Variants in AMPD3 observed in about 807,000 individuals in gnomAD.
AMPD3 encodes the protein adenosine monophosphate deaminase 3.
Under a neutral mutation model 82.3 loss-of-function variants are expected in AMPD3, and 57 were observed. That is an observed-to-expected ratio of 0.69 (90% confidence interval 0.56 to 0.86). The LOEUF (loss-of-function observed/expected upper bound fraction) is 0.86. Ranked by LOEUF, AMPD3 falls within the 40% of genes least tolerant of loss-of-function variation. The pLI, the probability that AMPD3 is intolerant of heterozygous loss-of-function variation, is 0.00. For synonymous variants in AMPD3, 381 were observed against 394.7 expected (o/e 0.97, Z 0.41); for missense variants, 870 against 1,003.8 (o/e 0.87, Z 1.80).
Position 10,482,510 on chromosome 11 carries a change from AT to A in AMPD3, c.589+295del, listed in dbSNP as rs1176155423. Among the ~76,000 whole-genome samples, 887 of 147,296 alleles carry A rather than the reference AT, an allele frequency of 6.0e-3. 12 individuals are homozygous for A. The highest frequency in any genetic ancestry group is 0.02 in the African/African-American group (804 of 40,532). On this transcript the variant is annotated intron_variant, in intron 4 of 14. Coordinates refer to ENST00000396553, the MANE Select transcript of AMPD3 (RefSeq NM_001025389.2). ...GGGAGACAGGGAGTCTCATGTGGGA[AT>A]TTTTTTTTTCTTTTTTTTTGAGATG...
Position 10,484,829 on chromosome 11 carries a change from C to A in AMPD3, c.599C>A (p.Pro200His). 1 of 1,614,012 alleles carries A rather than the reference C, an allele frequency of 6.2e-7. No individual in the cohort carries two copies. Among genetic ancestry groups the A allele is most frequent in the Non-Finnish European group, 8.5e-7 (1 of 1,180,024 alleles). ...PPEEGLPDFH[P>H]PPLPQEDPYC... The stretch of plus-strand genomic sequence containing the variant: ...CAATCCTGTTTTGCAGACTTCCACC[C>A]TCCTCCACTGCCCCAGGAAGACCCC... Residue 200 changes from proline to histidine, a missense_variant, in exon 5 of 15, where the codon CCT becomes CAT. Coordinates refer to ENST00000396553, the MANE Select transcript of AMPD3 (RefSeq NM_001025389.2).
intron 4 of AMPD3, among the ~76,000 whole-genome samples, chr11:10,483,561 C>A (rs901249770): frequency 3.9e-5 from 6 of 152,180 alleles, no homozygotes; most frequent in Non-Finnish European, 5.9e-5. Flanking sequence ...ACAGAGGACC[C>A]CTGGGTTCTG....
rs977894810 is a variant in AMPD3, at chr11:10,457,813, G to A, written c.-6+2365G>A. 6.6e-5 allele frequency among the ~76,000 whole-genome samples: 10 copies of A among 152,108 alleles called. No individual in the cohort carries two copies. In the East Asian group the frequency reaches 7.7e-4, roughly 12 times the overall value. On this transcript the variant is annotated intron_variant, in intron 1 of 14. Transcript: ENST00000396553. ...GGGAGGCTGAGGTGGGAGAATCACC[G>A]GAGCCTGTGAGGTCGAGGCTGCAGT...
intron 1 of AMPD3, 48 bp from the exon 2 acceptor site, chr11:10,461,467 T>C (rs1848268624): frequency 1.2e-6 from 2 of 1,613,328 alleles, no homozygotes; most frequent in East Asian, 4.5e-5. Context: ...TCCCCGGTGC[T>C]GGTGACTCAG....
chr11:10,497,803 C>G (rs944843385), intron 10 of AMPD3: 3 of 985,338 alleles, frequency 3.0e-6, no homozygotes, highest in African/African-American at 3.5e-5. Context: ...AGCTCACACT[C>G]GTGCGTGCTT....
At chr11:10,505,036 T>C in intron 14 of AMPD3, 3 of 832,640 alleles carry the variant, frequency 3.6e-6, no homozygotes, top group Non-Finnish European at 4.3e-6. Flanking sequence ...TTCAGAATTA[T>C]ATCCCCGGGC....
At chr11:10,491,658 A>G (rs1042298233) in intron 6 of AMPD3, among the ~76,000 whole-genome samples, 1 of 152,168 alleles carries the variant, frequency 6.6e-6, no homozygotes. Flanking sequence ...AGAACTGATG[A>G]GACTCACTGA....
intron 4 of AMPD3, chr11:10,484,198 G>A: frequency 1.0e-6 from 1 of 966,016 alleles, no homozygotes; most frequent in Non-Finnish European, 1.2e-6. Flanking sequence ...AAATTGCATA[G>A]AGGAGTTTTC....
At position 10,456,546 on chromosome 11, in the gene AMPD3, A is replaced by G. The variant is rs1848100335; in HGVS notation, c.-6+1098A>G. 2.5e-6 allele frequency: 4 copies of G among 1,595,646 alleles called. No individual in the cohort carries two copies. Among genetic ancestry groups the G allele is most frequent in the Non-Finnish European group, 3.4e-6 (4 of 1,170,666 alleles). ...AAAGTTACTGTTTGTTGAAACTGGC[A>G]GTGTTTTAGAACTTTCTAACTTTGG... On this transcript the variant is annotated intron_variant, in intron 1 of 14. Coordinates refer to ENST00000396553, the MANE Select transcript of AMPD3 (RefSeq NM_001025389.2). The surrounding 1 kb of genome is among the most constrained non-coding windows in gnomAD (Gnocchi z 4.3).
At chr11:10,470,264 C>A (rs1848550686) in intron 2 of AMPD3, among the ~76,000 whole-genome samples, 1 of 152,110 alleles carries the variant, frequency 6.6e-6, no homozygotes, top group African/African-American at 2.4e-5. Flanking sequence ...TAATTCAACA[C>A]CCCTTCATGC....
intron 2 of AMPD3, among the ~76,000 whole-genome samples, chr11:10,471,166 A>G (rs1462307635): frequency 6.6e-6 from 1 of 152,216 alleles, no homozygotes; most frequent in African/African-American, 2.4e-5. Context: ...CCACACATCT[A>G]CAATCATCTG....
chr11:10,501,631 C>T, intron 12 of AMPD3, 41 bp downstream of exon 12: 1 of 1,613,938 alleles, frequency 6.2e-7, no homozygotes, highest in Non-Finnish European at 8.5e-7. Flanking sequence ...GAGTGACTGC[C>T]CTGCCCTGGG....
intron 6 of AMPD3, among the ~76,000 whole-genome samples, chr11:10,488,023 G>A (rs1849126553): frequency 6.6e-6 from 1 of 151,530 alleles, no homozygotes; most frequent in Non-Finnish European, 1.5e-5. Context: ...AAAAAAAAAA[G>A]ATCTCTCTGG....
At chr11:10,454,406 C>T (rs1337528782), upstream of AMPD3, among the ~76,000 whole-genome samples, 4 of 152,112 alleles carry the variant, frequency 2.6e-5, no homozygotes, top group Non-Finnish European at 4.4e-5. Context: ...TTCCCAAAGC[C>T]GATACCACAA....
Position 10,455,303 on chromosome 11 carries a change from C to G in AMPD3, c.-151C>G, listed in dbSNP as rs1848061069. The G allele has an allele frequency of 1.0e-6, 1 of 985,346 alleles. No individual in the cohort carries two copies. The highest frequency in any genetic ancestry group is 1.7e-5 in the African/African-American group (1 of 57,226). The allele number at this position is 985,346 out of a possible 1,614,324, so 61.0% of individuals were successfully genotyped here. ...CAGATGAAGATCAGAGCTTTGCACC[C>G]TGTGATGCCATTTTAATCAACCCTG... On this transcript the variant is annotated 5_prime_UTR_variant, in exon 1 of 15. Transcript: ENST00000396553.
At chr11:10,485,177 TC>T in intron 5 of AMPD3, 138 bp downstream of exon 5, 1 of 806,826 alleles carries the variant, frequency 1.2e-6, no homozygotes, top group Non-Finnish European at 2.0e-6. Flanking sequence ...TCTCCTTTCC[TC>T]AGTGCTTTGC....
At chr11:10,504,115 CATCTATCT>C (rs67633984) in intron 13 of AMPD3, 246,073 of 683,962 alleles carry the variant, frequency 0.36, 44,519 homozygotes, top group African/African-American at 0.46. Context: ...GTACTTTACT[CATCTATCT>C]ATCTATCTAT....
intron 4 of AMPD3, 122 bp from the exon 5 acceptor site, chr11:10,484,698 T>A (rs1564848614): frequency 7.7e-7 from 1 of 1,295,908 alleles, no homozygotes; most frequent in Non-Finnish European, 1.1e-6. Flanking sequence ...GCATATGAGA[T>A]GCGGGGCCGG....
At chr11:10,498,797 C>T (rs1372540639) in intron 10 of AMPD3, among the ~76,000 whole-genome samples, 1 of 152,236 alleles carries the variant, frequency 6.6e-6, no homozygotes, top group African/African-American at 2.4e-5. Flanking sequence ...TCTCTTTCTC[C>T]CATCTGCTAT....
Sources: allele counts gnomAD v4.1 joint callset (sites outside exome capture counted in the v4.1 genomes callset), GRCh38; gene constraint gnomAD v4.1.1; non-coding constraint Gnocchi (gnomAD v3.1); transcripts MANE v1.5; gene names NCBI Gene and HGNC (gene_info 2026-07-23, HGNC 2026-07-21).